Variants in CNTN4 observed in about 807,000 individuals in gnomAD.
CNTN4 encodes the protein contactin-4.
Under a neutral mutation model 122.5 loss-of-function variants are expected in CNTN4, and 77 were observed. The ratio of observed to expected loss-of-function variants is 0.63; its 90% CI spans 0.52 to 0.76. The LOEUF (loss-of-function observed/expected upper bound fraction) is 0.76. Among genes scored for constraint, CNTN4 ranks in the 30% least tolerant of loss-of-function variants. CNTN4 has a pLI of 0.00. For missense variants in CNTN4, 1,256 were observed against 1,259.1 expected, an observed-to-expected ratio of 1.00 and a Z score of 0.04; for synonymous variants, 512 against 447.0, an observed-to-expected ratio of 1.15 and a Z score of -1.83.
At chr3:2,796,077 C>T (rs1412646430) in intron 6 of CNTN4, among the ~76,000 whole-genome samples, 1 of 151,936 alleles carries the variant, frequency 6.6e-6, no homozygotes, top group East Asian at 1.9e-4. Flanking sequence ...TTTCTTGACC[C>T]GTAAGATGTA....
chr3:2,566,880 G>T (rs534293331), intron 3 of CNTN4, among the ~76,000 whole-genome samples: 3 of 152,144 alleles, frequency 2.0e-5, no homozygotes, highest in Non-Finnish European at 4.4e-5. Flanking sequence ...AACATACTCT[G>T]TTGGAAGTAT....
At chr3:2,526,879 G>A (rs369524913) in intron 3 of CNTN4, among the ~76,000 whole-genome samples, 4 of 152,132 alleles carry the variant, frequency 2.6e-5, no homozygotes, top group Admixed American at 1.3e-4. Flanking sequence ...AGCAGCATAT[G>A]TGCAATGAGA....
chr3:2,475,048 G>T (rs1055902645), intron 3 of CNTN4, among the ~76,000 whole-genome samples: 3 of 152,106 alleles, frequency 2.0e-5, no homozygotes, highest in Non-Finnish European at 4.4e-5. Flanking sequence ...ACCTTAAGCT[G>T]AATTGCTTTG....
chr3:2,131,405 T>C (rs890027768), intron 2 of CNTN4, among the ~76,000 whole-genome samples: 7 of 152,076 alleles, frequency 4.6e-5, no homozygotes, highest in East Asian at 1.9e-4. Context: ...CAGGGGATAA[T>C]TGGGGGAAAG....
In CNTN4 at chr3:2,404,714, C is replaced by T. The variant is rs139055266; in HGVS notation, c.-89+65481C>T. 4.6e-5 allele frequency among the ~76,000 whole-genome samples: 7 copies of T among 152,220 alleles called. No individual in the cohort carries two copies. The East Asian group carries it at 1.4e-3, about 29-fold the overall frequency. On this transcript the variant is annotated intron_variant, in intron 3 of 24. Coordinates refer to ENST00000418658, the MANE Select transcript of CNTN4 (RefSeq NM_175607.3). ...AGTCCCTTCACAGTAATACTTAGAT[C>T]GGTATTTGATAGAATAATCAGTAAA...
chr3:2,936,845 C>T (rs1048852493), intron 13 of CNTN4, among the ~76,000 whole-genome samples: 5 of 152,168 alleles, frequency 3.3e-5, no homozygotes, highest in Admixed American at 6.5e-5. Context: ...AAAATTATGC[C>T]GATGTCAAAT....
At chr3:2,734,639 C>T (rs1194851861) in intron 4 of CNTN4, among the ~76,000 whole-genome samples, 3 of 137,822 alleles carry the variant, frequency 2.2e-5, no homozygotes, top group South Asian at 2.4e-4. Flanking sequence ...TCAACCTTAG[C>T]ATGAAGTGCT....
At chr3:2,721,843 C>T (rs1435890572) in intron 4 of CNTN4, among the ~76,000 whole-genome samples, 1 of 152,082 alleles carries the variant, frequency 6.6e-6, no homozygotes, top group Non-Finnish European at 1.5e-5. Context: ...AAATCCTAAC[C>T]CTGAAGGTTG....
chr3:2,497,700 G>T, intron 3 of CNTN4, among the ~76,000 whole-genome samples: 1 of 152,074 alleles, frequency 6.6e-6, no homozygotes, highest in East Asian at 1.9e-4. Flanking sequence ...TTGCCTACCC[G>T]ATTGAATACT....
intron 4 of CNTN4, among the ~76,000 whole-genome samples, chr3:2,642,960 G>A (rs1236346027): frequency 6.6e-6 from 1 of 152,138 alleles, no homozygotes; most frequent in Non-Finnish European, 1.5e-5. Flanking sequence ...CCTTTACAGG[G>A]CAGTGGGGAT....
At chr3:2,187,742 T>C (rs1014749430) in intron 2 of CNTN4, among the ~76,000 whole-genome samples, 1 of 152,158 alleles carries the variant, frequency 6.6e-6, no homozygotes, top group Non-Finnish European at 1.5e-5. Flanking sequence ...GACCACCTTA[T>C]GCCGCTAGCC....
chr3:3,035,119 G>A (rs944509245), intron 17 of CNTN4, among the ~76,000 whole-genome samples: 4 of 151,850 alleles, frequency 2.6e-5, no homozygotes, highest in Non-Finnish European at 4.4e-5. Flanking sequence ...ACCAGCCTGG[G>A]CAACATGGCA....
At chr3:2,453,550 G>A (rs540341142) in intron 3 of CNTN4, among the ~76,000 whole-genome samples, 210 of 152,178 alleles carry the variant, frequency 1.4e-3, no homozygotes, top group African/African-American at 4.7e-3. Context: ...GAGGCTCAGT[G>A]GGATTCAATG....
At chr3:2,120,398 TATATATA>T (rs1232147650) in intron 2 of CNTN4, among the ~76,000 whole-genome samples, 9 of 32,092 alleles carry the variant, frequency 2.8e-4, no homozygotes, top group Admixed American at 5.4e-4. Context: ...TATATATATA[TATATATA>T]TTTTTTTTTT....
chr3:2,110,797 A>G (rs940702751), intron 2 of CNTN4, among the ~76,000 whole-genome samples: 1 of 152,182 alleles, frequency 6.6e-6, no homozygotes, highest in East Asian at 1.9e-4. Flanking sequence ...CACTGTTCTC[A>G]GCTTTACCTC....
rs574034302 is a variant in CNTN4, at chr3:2,729,291, G to T, written c.56-6924G>T. ...TGTTTAGAAATGAAAGTGGCCGGGC[G>T]CGGTGGCTCACGCCTGTAATCCTAG... On this transcript the variant is annotated intron_variant, in intron 4 of 24. Transcript: ENST00000418658. Among the ~76,000 whole-genome samples, 79 of 152,228 alleles carry T rather than the reference G, an allele frequency of 5.2e-4. 1 individual carries two copies. The South Asian group carries it at 0.011, about 21-fold the overall frequency.
At chr3:2,454,894 T>C (rs1332789045) in intron 3 of CNTN4, among the ~76,000 whole-genome samples, 1 of 152,188 alleles carries the variant, frequency 6.6e-6, no homozygotes, top group East Asian at 1.9e-4. Flanking sequence ...CATTTAAGAA[T>C]GTAAGTAGTG....
intron 2 of CNTN4, among the ~76,000 whole-genome samples, chr3:2,187,241 T>A (rs777819466): frequency 1.2e-4 from 19 of 152,192 alleles, no homozygotes; most frequent in Non-Finnish European, 2.6e-4. Flanking sequence ...TGGTTGTAGA[T>A]GTGTGGTATT....
chr3:3,014,906 G>C (rs1697605232), intron 14 of CNTN4, among the ~76,000 whole-genome samples: 1 of 136,912 alleles, frequency 7.3e-6, no homozygotes, highest in Admixed American at 7.7e-5. Flanking sequence ...TTCTCTTTGG[G>C]TCAGCAACTC....
Sources: allele counts gnomAD v4.1 joint callset (sites outside exome capture counted in the v4.1 genomes callset), GRCh38; gene constraint gnomAD v4.1.1; transcripts MANE v1.5; gene names NCBI Gene and HGNC (gene_info 2026-07-23, HGNC 2026-07-21).